KPNA4: variants seen among roughly 807,000 people sequenced by gnomAD.
KPNA4 encodes karyopherin subunit alpha 4.
Under a neutral mutation model 71.3 loss-of-function variants are expected in KPNA4, and 13 were observed. The ratio of observed to expected loss-of-function variants is 0.18; its 90% confidence interval spans 0.12 to 0.29. The LOEUF is 0.29. Among genes scored for constraint, KPNA4 ranks in the 10% least tolerant of loss-of-function variants. KPNA4 has a pLI of 1.00. For missense variants in KPNA4, 334 were observed against 603.2 expected (o/e 0.55, Z 4.67); for synonymous variants, 189 against 195.2 (o/e 0.97, Z 0.26).
At chr3:160,519,530 C>T in intron 11 of KPNA4, among the ~76,000 whole-genome samples, 1 of 151,234 alleles carries the variant, frequency 6.6e-6, no homozygotes, top group Non-Finnish European at 1.5e-5. Flanking sequence ...CGCGGTGGCT[C>T]ACGCCTGTAA....
chr3:160,520,801 C>T (rs929307444), intron 11 of KPNA4, among the ~76,000 whole-genome samples: 4 of 152,166 alleles, frequency 2.6e-5, no homozygotes, highest in African/African-American at 4.8e-5. Context: ...TACAGACTAA[C>T]GGTTTCTCTT....
intron 1 of KPNA4, among the ~76,000 whole-genome samples, chr3:160,546,426 G>A (rs1441325844): frequency 1.3e-5 from 2 of 152,144 alleles, no homozygotes; most frequent in African/African-American, 4.8e-5. Flanking sequence ...GCAGAGGGAG[G>A]AGAATCGCTT....
chr3:160,527,133 G>A (rs1040417233), intron 8 of KPNA4, among the ~76,000 whole-genome samples: 1 of 152,112 alleles, frequency 6.6e-6, no homozygotes, highest in Non-Finnish European at 1.5e-5. Flanking sequence ...ATAATCTTTA[G>A]AATCATTCTC....
At chr3:160,509,930 T>C in intron 13 of KPNA4, 59 bp from the exon 14 acceptor site, 1 of 1,042,752 alleles carries the variant, frequency 9.6e-7, no homozygotes, top group Non-Finnish European at 1.5e-6. Context: ...CTGGAAAAAA[T>C]GTTTGCTGTG....
chr3:160,537,995 A>G (rs111707356), intron 1 of KPNA4, among the ~76,000 whole-genome samples: 290 of 152,104 alleles, frequency 1.9e-3, no homozygotes, highest in Middle Eastern at 6.8e-3. Flanking sequence ...CAGCAACCAG[A>G]GTAATCCTCA....
chr3:160,540,061 G>A (rs1317810344), intron 1 of KPNA4, among the ~76,000 whole-genome samples: 1 of 145,514 alleles, frequency 6.9e-6, no homozygotes, highest in African/African-American at 2.5e-5. Context: ...GTACAGTAAC[G>A]GGATCTCGGC....
intron 1 of KPNA4, among the ~76,000 whole-genome samples, chr3:160,548,428 G>A (rs1330073884): frequency 6.6e-6 from 1 of 151,988 alleles, no homozygotes. Flanking sequence ...TTGCAAAAAC[G>A]AAACACTACA....
chr3:160,513,152 C>T (rs1335996698), intron 13 of KPNA4, among the ~76,000 whole-genome samples: 3 of 151,442 alleles, frequency 2.0e-5, no homozygotes, highest in Non-Finnish European at 4.4e-5. Flanking sequence ...AAACTGAACT[C>T]GATTTACAGG....
At chr3:160,508,314 T>C (rs1721026761) in intron 14 of KPNA4, 45 bp from the exon 15 acceptor site, 2 of 1,371,822 alleles carry the variant, frequency 1.5e-6, no homozygotes, top group African/African-American at 1.5e-5. Flanking sequence ...TAGGTAAACT[T>C]TGTGTGCCAT....
chr3:160,499,149 T>G lies in KPNA4; in HGVS notation c.*2955A>C, dbSNP rs1720827545. The G allele has an allele frequency of 6.6e-6, 1 of 152,220 alleles. No homozygotes were observed. Among genetic ancestry groups the G allele is most frequent in the African/African-American group, 2.4e-5 (1 of 41,454 alleles). 9.4% of individuals were successfully genotyped at this position (152,220 alleles called of 1,614,324 possible). On this transcript the variant is annotated 3_prime_UTR_variant, in exon 17 of 17. Transcript: ENST00000334256. ...AGATCCATTTTTAATGATTCATAGA[T>G]AGCTCTAATTATAGAAATGCTCCAG...
chr3:160,544,843 G>A (rs985686034), intron 1 of KPNA4, among the ~76,000 whole-genome samples: 2 of 152,026 alleles, frequency 1.3e-5, no homozygotes, highest in African/African-American at 2.4e-5. Context: ...AAATGTGTAA[G>A]CAAGAGAGAT....
chr3:160,510,188 A>G (rs930111624), intron 13 of KPNA4, among the ~76,000 whole-genome samples: 3 of 152,220 alleles, frequency 2.0e-5, no homozygotes, highest in Non-Finnish European at 4.4e-5. Context: ...CAATTTCACT[A>G]CAAAGTCACG....
chr3:160,565,384 C>A lies in KPNA4; in HGVS notation c.-102G>T. The A allele has an allele frequency of 1.1e-6, 1 of 927,242 alleles. No homozygotes were observed. The highest frequency in any genetic ancestry group is 1.5e-5 in the South Asian group (1 of 64,772). The allele number at this position is 927,242 out of a possible 1,614,324, so 57.4% of individuals were successfully genotyped here. A position where few individuals can be genotyped will look rare whatever the true frequency, so the allele number is the denominator to read the frequency against. On this transcript the variant is annotated 5_prime_UTR_variant, in exon 1 of 17. Coordinates refer to ENST00000334256, the MANE Select transcript of KPNA4 (RefSeq NM_002268.5). ...AGGAACCGGGCCGCCGCCTGAGCTG[C>A]TGTGCCCGCCGCGCCGCCGCTTCCT...
intron 1 of KPNA4, among the ~76,000 whole-genome samples, chr3:160,559,436 G>A (rs1409226287): frequency 6.6e-6 from 1 of 152,124 alleles, no homozygotes; most frequent in Non-Finnish European, 1.5e-5. Flanking sequence ...GTTAGCATTT[G>A]GAAGACGTGC....
intron 15 of KPNA4, 24 bp from the exon 16 acceptor site, chr3:160,505,076 A>C (rs1277135582): frequency 7.9e-7 from 1 of 1,261,744 alleles, no homozygotes; most frequent in Admixed American, 2.2e-5. Context: ...TGCAATGTGA[A>C]ACAATAGTAA....
chr3:160,531,923 G>A (rs1402621711), intron 5 of KPNA4, among the ~76,000 whole-genome samples: 1 of 152,128 alleles, frequency 6.6e-6, no homozygotes, highest in Non-Finnish European at 1.5e-5. Flanking sequence ...CTCCTGAGTA[G>A]CTGGGATTAC....
chr3:160,535,412 A>G (rs1721668783), intron 5 of KPNA4, 101 bp downstream of exon 5: 3 of 707,912 alleles, frequency 4.2e-6, no homozygotes, highest in Non-Finnish European at 7.1e-6. Context: ...GTTTGTCATC[A>G]AGTTAAATTT....
At position 160,505,009 on chromosome 3, in the gene KPNA4, G is replaced by A. The variant is rs763255663; in HGVS notation, c.1416C>T (p.Asp472=). 28 of 1,570,206 alleles carry A rather than the reference G, an allele frequency of 1.8e-5. No homozygotes were observed. The African/African-American group carries it at 2.3e-4, about 13-fold the overall frequency. ...IEQLQNHENE[D]IYKLAYEIID... is the part of the protein sequence containing the mutation. Reference sequence around the variant, plus strand: ...TGATCTCATAGGCCAATTTGTAGATGTCTTCATTTTCATGATTTTGAAGTT... The same window carrying A: ...TGATCTCATAGGCCAATTTGTAGATATCTTCATTTTCATGATTTTGAAGTT... The change falls in exon 16 of 17, where the codon GAC becomes GAT. Residue 472 remains aspartate (D), a synonymous_variant. Coordinates refer to ENST00000334256, the MANE Select transcript of KPNA4 (RefSeq NM_002268.5).
At chr3:160,522,461 C>CA (rs1553785818) in intron 10 of KPNA4, among the ~76,000 whole-genome samples, 64 of 146,594 alleles carry the variant, frequency 4.4e-4, no homozygotes, top group African/African-American at 1.4e-3. Context: ...CTGGAGACAA[C>CA]TTTTTTTTTT....
Sources: allele counts gnomAD v4.1 joint callset (sites outside exome capture counted in the v4.1 genomes callset), GRCh38; gene constraint gnomAD v4.1.1; transcripts MANE v1.5; gene names NCBI Gene and HGNC (gene_info 2026-07-23, HGNC 2026-07-21).